Variants in CTIF observed in about 807,000 individuals in gnomAD.
CTIF encodes cap binding complex dependent translation initiation factor.
In CTIF, 21 loss-of-function variants were observed where a neutral mutation model predicts 66.0. The observed-to-expected ratio is 0.32, with a 90% CI of 0.23 to 0.46. The LOEUF (loss-of-function observed/expected upper bound fraction) is 0.46. Ranked by LOEUF, CTIF falls within the 20% of genes least tolerant of loss-of-function variation. The pLI, the probability that CTIF is intolerant of heterozygous loss-of-function variation, is 1.00. For synonymous variants in CTIF, 345 were observed against 326.4 expected (o/e 1.06, Z -0.62); for missense variants, 739 against 812.7 (o/e 0.91, Z 1.10).
At chr18:48,778,791 C>T (rs895183096) in intron 9 of CTIF, among the ~76,000 whole-genome samples, 3 of 152,196 alleles carry the variant, frequency 2.0e-5, no homozygotes, top group South Asian at 2.1e-4. Context: ...GCTCCCTGAA[C>T]CCCAGAACTG....
At chr18:48,856,556 A>T (rs2069332201) in intron 10 of CTIF, among the ~76,000 whole-genome samples, 1 of 152,274 alleles carries the variant, frequency 6.6e-6, no homozygotes, top group Non-Finnish European at 1.5e-5. Flanking sequence ...ACATATCCTT[A>T]CAATGGAATA....
rs537903241 is a variant in CTIF at position 48,603,615 on chromosome 18, GTGGATGGATGGAAGGATGGATGGA to G, written c.-28-15910_-28-15887del. On this transcript the variant is annotated intron_variant, in intron 1 of 11. Transcript: ENST00000256413. Reference sequence around the variant, plus strand: ...GATAGATGGATGAATGGGTGGGTGGGTGGATGGATGGAAGGATGGATGGATGGATGGATGGATGAATGGATGAAT... The same window carrying G: ...GATAGATGGATGAATGGGTGGGTGGGTGGATGGATGGATGAATGGATGAAT... Among the ~76,000 whole-genome samples, 136 of 148,370 alleles carry G rather than the reference GTGGATGGATGGAAGGATGGATGGA, an allele frequency of 9.2e-4. 1 individual carries two copies. The South Asian group carries it at 0.026, about 28-fold the overall frequency.
At chr18:48,770,448 C>T (rs1444721087) in intron 9 of CTIF, among the ~76,000 whole-genome samples, 1 of 152,282 alleles carries the variant, frequency 6.6e-6, no homozygotes, top group East Asian at 1.9e-4. Flanking sequence ...CAGTCTACTG[C>T]AGGCCTTGTC....
At chr18:48,731,458 C>T (rs2092456326) in intron 7 of CTIF, among the ~76,000 whole-genome samples, 1 of 152,188 alleles carries the variant, frequency 6.6e-6, no homozygotes, top group African/African-American at 2.4e-5. Flanking sequence ...TATTCCCCAC[C>T]CTCTATGCCT....
intron 9 of CTIF, among the ~76,000 whole-genome samples, chr18:48,770,731 G>A (rs1229724747): frequency 6.6e-6 from 1 of 152,240 alleles, no homozygotes; most frequent in Admixed American, 6.5e-5. Context: ...CAGTAGCATC[G>A]ATTGCTGCCT....
At chr18:48,666,117 T>C (rs187007822) in intron 5 of CTIF, among the ~76,000 whole-genome samples, 31 of 152,298 alleles carry the variant, frequency 2.0e-4, no homozygotes, top group African/African-American at 6.5e-4. Flanking sequence ...GCACTTGTGT[T>C]TTTTTTTCTT....
At chr18:48,645,883 T>G (rs1052911634) in intron 3 of CTIF, among the ~76,000 whole-genome samples, 1 of 152,190 alleles carries the variant, frequency 6.6e-6, no homozygotes, top group African/African-American at 2.4e-5. Flanking sequence ...CTGGCAATAA[T>G]GAGGCTGTCC....
At chr18:48,608,811 A>G (rs977718882) in intron 1 of CTIF, among the ~76,000 whole-genome samples, 6 of 152,158 alleles carry the variant, frequency 3.9e-5, no homozygotes, top group Admixed American at 3.3e-4. Flanking sequence ...TCTGTAGTTC[A>G]GGGAGCTGTT....
intron 1 of CTIF, among the ~76,000 whole-genome samples, chr18:48,573,807 GGGGAC>G (rs1456862674): frequency 5.9e-5 from 9 of 152,348 alleles, no homozygotes; most frequent in African/African-American, 2.2e-4. Context: ...ATCACTGTGC[GGGGAC>G]GGGAAGGCAG....
At chr18:48,842,272 G>A (rs1348614980) in intron 10 of CTIF, among the ~76,000 whole-genome samples, 5 of 152,032 alleles carry the variant, frequency 3.3e-5, no homozygotes, top group African/African-American at 4.8e-5. Context: ...TGAGTAGAAC[G>A]AGGGTGGTGG....
At chr18:48,834,024 CCCCCTCCTTT>C (rs1305299284) in intron 10 of CTIF, among the ~76,000 whole-genome samples, 1 of 150,846 alleles carries the variant, frequency 6.6e-6, no homozygotes, top group Non-Finnish European at 1.5e-5. Flanking sequence ...CTCTCCCCTT[CCCCCTCCTTT>C]CCCCTCCCCT....
At chr18:48,658,551 C>T (rs972484973) in intron 3 of CTIF, among the ~76,000 whole-genome samples, 10 of 151,418 alleles carry the variant, frequency 6.6e-5, no homozygotes, top group South Asian at 4.2e-4. Flanking sequence ...TGTATATGTA[C>T]GTGTGGCACA....
intron 1 of CTIF, among the ~76,000 whole-genome samples, chr18:48,540,521 G>A (rs569001856): frequency 2.6e-5 from 4 of 152,054 alleles, no homozygotes; most frequent in African/African-American, 4.8e-5. Context: ...CAATCGGGAG[G>A]GGGGTGGTCC....
At chr18:48,825,057 C>T (rs2068556205) in intron 10 of CTIF, among the ~76,000 whole-genome samples, 1 of 152,190 alleles carries the variant, frequency 6.6e-6, no homozygotes, top group East Asian at 1.9e-4. Flanking sequence ...CCCAGCTCAT[C>T]CCTACCCATA....
At chr18:48,855,413 T>C (rs1339047660) in intron 10 of CTIF, among the ~76,000 whole-genome samples, 1 of 152,244 alleles carries the variant, frequency 6.6e-6, no homozygotes, top group African/African-American at 2.4e-5. Flanking sequence ...CCAAAATGCT[T>C]CTCCATAAAA....
intron 9 of CTIF, among the ~76,000 whole-genome samples, chr18:48,795,996 G>C (rs545563258): frequency 6.6e-6 from 1 of 152,142 alleles, no homozygotes; most frequent in African/African-American, 2.4e-5. Flanking sequence ...CCAGGTGTTG[G>C]TTGGTTGGTT....
Position 48,703,763 on chromosome 18 carries a change from T to TCCA in CTIF, c.508-7839_508-7837dup, listed in dbSNP as rs556233431. Among the ~76,000 whole-genome samples the TCCA allele has an allele frequency of 8.0e-4, 121 of 152,152 alleles. 1 individual carries two copies. The highest frequency in any genetic ancestry group is 2.4e-3 in the African/African-American group (100 of 41,530). ...GGGGCAGCAGCCCGGGGACTCCCCC[T>TCCA]CCACCACCACCACCACCACTCCAGC... On this transcript the variant is annotated intron_variant, in intron 6 of 11. Coordinates refer to ENST00000256413, the MANE Select transcript of CTIF (RefSeq NM_014772.3).
intron 1 of CTIF, among the ~76,000 whole-genome samples, chr18:48,587,256 A>C (rs2089791990): frequency 6.6e-6 from 1 of 151,730 alleles, no homozygotes; most frequent in South Asian, 2.1e-4. Context: ...TAATTTTTGT[A>C]TTTTTAGTAG....
At chr18:48,719,321 C>T (rs1568162402) in intron 7 of CTIF, among the ~76,000 whole-genome samples, 1 of 152,108 alleles carries the variant, frequency 6.6e-6, no homozygotes, top group East Asian at 1.9e-4. Flanking sequence ...CTGGAACTTG[C>T]TGCTCCTTTT....
Sources: gnomAD v4.1 joint callset for allele counts (sites outside exome capture counted in the v4.1 genomes callset) on GRCh38, gnomAD v4.1.1 for gene constraint, MANE v1.5 for transcripts, NCBI Gene and HGNC (gene_info 2026-07-23, HGNC 2026-07-21) for gene names.